Variants in ZFX observed in about 807,000 individuals in gnomAD.
ZFX encodes the protein zinc finger protein X-linked.
For missense variants in ZFX, 362 were observed against 628.3 expected (o/e 0.58, Z 4.53); for synonymous variants, 196 against 226.8 (o/e 0.86, Z 1.22).
At chrX:24,179,151 C>G in intron 4 of ZFX, 32 bp from the exon 5 acceptor site, 1 of 1,161,741 alleles carries the variant, frequency 8.6e-7, no homozygotes, top group Non-Finnish European at 1.2e-6. Flanking sequence ...GCATACTTAC[C>G]TGAAATTTGT....
intron 9 of ZFX, 65 bp from the exon 10 acceptor site, chrX:24,210,128 A>T: frequency 8.4e-7 from 1 of 1,196,480 alleles, no homozygotes. Flanking sequence ...CACACTTTAT[A>T]TTCGCAAAGA....
At chrX:24,207,539 G>C (rs897052012) in intron 6 of ZFX, 64 bp downstream of exon 6, 7 of 1,160,927 alleles carry the variant, frequency 6.0e-6, no homozygotes, top group Non-Finnish European at 6.9e-6. Context: ...TTACTTTTGG[G>C]TTATTTAGAT....
In ZFX at chrX:24,208,298, G is replaced by A. The variant is rs772312837; in HGVS notation, c.1021G>A (p.Ala341Thr). The A allele has an allele frequency of 5.0e-6, 6 of 1,209,980 alleles. No individual in the cohort carries two copies. The highest frequency in any genetic ancestry group is 3.5e-5 in the South Asian group (2 of 56,479). The change falls in exon 8 of 10, where the codon GCC becomes ACC. Residue 341 changes from alanine (A) to threonine (T), a missense_variant. By Grantham distance (58) the Ala-to-Thr change is moderately conservative (BLOSUM62 0). Coordinates refer to ENST00000304543, the MANE Select transcript of ZFX (RefSeq NM_003410.4). ...TGCTGCAGCAGCAGCGGCAGCCGCC[G>A]CCGTGCACGAGCAGCAAATGGATGA... is the stretch of plus-strand genomic sequence containing the variant. Reference protein sequence around the residue: ...EDAAAAAAAAAVHEQQMDDNE... With the variant: ...EDAAAAAAAATVHEQQMDDNE...
At chrX:24,159,263 T>A (rs1933007734) in intron 3 of ZFX, among the ~76,000 whole-genome samples, 2 of 112,347 alleles carry the variant, frequency 1.8e-5, no homozygotes, top group Non-Finnish European at 3.8e-5. Flanking sequence ...GAGCTGGGAT[T>A]ATAGGCGTGA....
At chrX:24,178,497 G>A (rs768846278) in intron 4 of ZFX, among the ~76,000 whole-genome samples, 3 of 109,415 alleles carry the variant, frequency 2.7e-5, no homozygotes, top group Non-Finnish European at 3.8e-5. Flanking sequence ...CACCATGTTA[G>A]CCAGGATGGT....
chrX:24,160,113 CCTTT>C (rs1933113598), intron 3 of ZFX, among the ~76,000 whole-genome samples: 1 of 109,319 alleles, frequency 9.1e-6, no homozygotes, highest in Admixed American at 9.9e-5. Context: ...TTTTATTGAT[CCTTT>C]CTATTTCTAC....
intron 3 of ZFX, among the ~76,000 whole-genome samples, chrX:24,165,274 C>A (rs1169453414): frequency 1.2e-4 from 13 of 112,114 alleles, no homozygotes; most frequent in Admixed American, 1.1e-3. Flanking sequence ...GCACGTGCCA[C>A]CACGCCTGGC....
intron 5 of ZFX, among the ~76,000 whole-genome samples, chrX:24,198,978 T>C (rs1277127405): frequency 2.7e-5 from 3 of 111,200 alleles, no homozygotes; most frequent in African/African-American, 9.8e-5. Context: ...GGAGTGATTG[T>C]AGACAAACTA....
At chrX:24,195,382 T>G (rs1247785708) in intron 5 of ZFX, among the ~76,000 whole-genome samples, 1 of 103,830 alleles carries the variant, frequency 9.6e-6, no homozygotes, top group African/African-American at 3.6e-5. Flanking sequence ...AGATGGAGTC[T>G]CGCTCTGTTG....
chrX:24,207,691 G>A (rs1308914631), intron 6 of ZFX, 21 bp from the exon 7 acceptor site: 13 of 1,200,686 alleles, frequency 1.1e-5, no homozygotes, highest in Non-Finnish European at 1.1e-5. Flanking sequence ...TATTGAAGCT[G>A]TCTTCTTCCC....
At chrX:24,188,777 C>A (rs1936332093) in intron 5 of ZFX, among the ~76,000 whole-genome samples, 1 of 111,867 alleles carries the variant, frequency 8.9e-6, no homozygotes, top group African/African-American at 3.3e-5. Context: ...ACAAAAAGTA[C>A]ATTTCGGAAG....
chrX:24,162,606 G>A (rs977545070), intron 3 of ZFX, among the ~76,000 whole-genome samples: 18 of 111,745 alleles, frequency 1.6e-4, no homozygotes, highest in African/African-American at 5.9e-4. Flanking sequence ...TTGTTATAAA[G>A]TGATAACTGA....
chrX:24,156,085 C>T (rs1389207792), intron 3 of ZFX, among the ~76,000 whole-genome samples: 1 of 111,319 alleles, frequency 9.0e-6, no homozygotes, highest in South Asian at 3.7e-4. Flanking sequence ...TAAGTAGAGA[C>T]GGGGTTTCAC....
intron 5 of ZFX, among the ~76,000 whole-genome samples, chrX:24,199,395 C>T (rs1937137578): frequency 9.1e-6 from 1 of 109,664 alleles, no homozygotes; most frequent in Non-Finnish European, 1.9e-5. Context: ...GCTGGGACTA[C>T]AGGTGCACAC....
chrX:24,153,851 G>T (rs1271761793), intron 3 of ZFX, among the ~76,000 whole-genome samples: 1 of 111,377 alleles, frequency 9.0e-6, no homozygotes, highest in African/African-American at 3.3e-5. Flanking sequence ...TGGGTACAGA[G>T]AATTCTACGT....
chrX:24,182,751 G>A (rs1935786992), intron 5 of ZFX, among the ~76,000 whole-genome samples: 1 of 110,933 alleles, frequency 9.0e-6, no homozygotes, highest in South Asian at 3.8e-4. Context: ...AGTTGAACAT[G>A]TTTATAGACT....
At chrX:24,153,372 T>G (rs1323743897) in intron 3 of ZFX, among the ~76,000 whole-genome samples, 1 of 111,348 alleles carries the variant, frequency 9.0e-6, no homozygotes, top group East Asian at 2.8e-4. Flanking sequence ...CAGGGGAGGT[T>G]GCAGGAGGGA....
chrX:24,160,226 A>G (rs1302925008), intron 3 of ZFX, among the ~76,000 whole-genome samples: 1 of 100,656 alleles, frequency 9.9e-6, no homozygotes, highest in Non-Finnish European at 2.1e-5. Flanking sequence ...ATCTATTTTT[A>G]TAATATATAT....
intron 3 of ZFX, chrX:24,161,667 CAT>C (rs1265498388): frequency 2.9e-5 from 3 of 103,662 alleles, no homozygotes; most frequent in Middle Eastern, 5.0e-3. Context: ...ACTAATCTAA[CAT>C]ATTCTTTTTT....
Sources: gnomAD v4.1 joint callset for allele counts (sites outside exome capture counted in the v4.1 genomes callset) on GRCh38, gnomAD v4.1.1 for gene constraint, MANE v1.5 for transcripts, NCBI Gene and HGNC (gene_info 2026-07-23, HGNC 2026-07-21) for gene names.